The following MITF variants were observed in gnomAD, a reference collection of about 807,000 sequenced individuals.
MITF encodes microphthalmia-associated transcription factor.
Under a neutral mutation model 60.5 loss-of-function variants are expected in MITF, and 17 were observed. The ratio of observed to expected loss-of-function variants is 0.28; its 90% CI spans 0.19 to 0.42. MITF has a LOEUF of 0.42. Among genes scored for constraint, MITF ranks in the 10% least tolerant of loss-of-function variants. The probability of loss-of-function intolerance (pLI) is 1.00; values close to 1 mark genes in which losing one functional copy is unlikely to be tolerated. For missense variants in MITF, 622 were observed against 683.5 expected (o/e 0.91, Z 1.00); for synonymous variants, 260 against 248.5 (o/e 1.05, Z -0.43).
chr3:69,942,187 G>A (rs1234824795), intron 5 of MITF, among the ~76,000 whole-genome samples: 2 of 152,288 alleles, frequency 1.3e-5, no homozygotes, highest in East Asian at 1.9e-4. Context: ...AAAGGGAAAA[G>A]GGGAGTTGTT....
Position 69,767,180 on chromosome 3 carries a change from T to C in MITF, c.104+27479T>C, listed in dbSNP as rs76916640. ...CATGTCTCCATCTGGGGCACAGTTA[T>C]GGAGCACCTCCTGTATGCCAGCACT... On this transcript the variant is annotated intron_variant, in intron 1 of 9. Transcript: ENST00000352241. Among the ~76,000 whole-genome samples, 142 of 152,334 alleles carry C rather than the reference T, an allele frequency of 9.3e-4. 4 individuals carry two copies. The East Asian group carries it at 0.026, about 28-fold the overall frequency.
At chr3:69,837,103 T>C (rs1034729800) in intron 1 of MITF, among the ~76,000 whole-genome samples, 1 of 152,318 alleles carries the variant, frequency 6.6e-6, no homozygotes. Context: ...AGCTTCACAC[T>C]ATTTGTCCCA....
chr3:69,874,544 G>A (rs1315774952), intron 1 of MITF, among the ~76,000 whole-genome samples: 1 of 152,188 alleles, frequency 6.6e-6, no homozygotes, highest in Non-Finnish European at 1.5e-5. Flanking sequence ...GTATTGCGAA[G>A]CACAGAGATA....
At chr3:69,800,168 G>A (rs984432115) in intron 1 of MITF, among the ~76,000 whole-genome samples, 3 of 152,080 alleles carry the variant, frequency 2.0e-5, no homozygotes, top group African/African-American at 7.2e-5. Context: ...TCATGGATTT[G>A]CCTACTGGAC....
chr3:69,866,130 T>G, intron 1 of MITF: 12 of 1,342,864 alleles, frequency 8.9e-6, no homozygotes, highest in Non-Finnish European at 1.2e-5. Context: ...AGGTCTGCTG[T>G]TGCAGACAGA....
intron 1 of MITF, among the ~76,000 whole-genome samples, chr3:69,747,983 T>C (rs2106758960): frequency 6.6e-6 from 1 of 152,274 alleles, no homozygotes; most frequent in Non-Finnish European, 1.5e-5. Context: ...ATAACCAGTG[T>C]AGAACTCCTG....
At chr3:69,831,893 G>A (rs1315674521) in intron 1 of MITF, among the ~76,000 whole-genome samples, 1 of 152,164 alleles carries the variant, frequency 6.6e-6, no homozygotes, top group African/African-American at 2.4e-5. Context: ...ACCAGTGGTG[G>A]AACGGTGCCC....
chr3:69,865,333 C>G (rs2064092534), intron 1 of MITF, among the ~76,000 whole-genome samples: 1 of 152,150 alleles, frequency 6.6e-6, no homozygotes, highest in Non-Finnish European at 1.5e-5. Context: ...TAGTCAGTGT[C>G]AGATGTCTTT....
chr3:69,915,420 T>A (rs112887111), intron 2 of MITF, among the ~76,000 whole-genome samples: 4,480 of 152,096 alleles, frequency 0.029, 99 homozygotes, highest in Non-Finnish European at 0.04. Context: ...ACAATTCTTG[T>A]TTGTATAAAG....
At chr3:69,813,617 C>A (rs2063135293) in intron 1 of MITF, among the ~76,000 whole-genome samples, 1 of 152,082 alleles carries the variant, frequency 6.6e-6, no homozygotes, top group African/African-American at 2.4e-5. Flanking sequence ...AGTTACGCAG[C>A]TTTTGTATAT....
At chr3:69,831,341 T>C (rs1291800935) in intron 1 of MITF, among the ~76,000 whole-genome samples, 1 of 152,198 alleles carries the variant, frequency 6.6e-6, no homozygotes, top group Non-Finnish European at 1.5e-5. Context: ...TTGACGTTCT[T>C]GTCCTCTTTT....
chr3:69,812,454 A>T (rs1342537427), intron 1 of MITF, among the ~76,000 whole-genome samples: 5 of 152,228 alleles, frequency 3.3e-5, no homozygotes, highest in African/African-American at 1.2e-4. Context: ...AAACTGAGTC[A>T]TAATAAAATA....
In MITF at chr3:69,800,090, G is replaced by T. The variant is rs560555067; in HGVS notation, c.104+60389G>T. On this transcript the variant is annotated intron_variant, in intron 1 of 9. Transcript: ENST00000352241. ...TTCCATCACCCCAATAAGAAGCTTC[G>T]TACCTATTAGCAGTTAGTCCCAACT... Among the ~76,000 whole-genome samples, 11 of 152,098 alleles carry T rather than the reference G, an allele frequency of 7.2e-5. No homozygotes were observed. In the East Asian group the frequency reaches 1.9e-3, roughly 27 times the overall value.
At chr3:69,810,842 T>C (rs1449310499) in intron 1 of MITF, among the ~76,000 whole-genome samples, 1 of 152,198 alleles carries the variant, frequency 6.6e-6, no homozygotes, top group Non-Finnish European at 1.5e-5. Flanking sequence ...TCATGGAGCT[T>C]ATATTTTACC....
intron 1 of MITF, among the ~76,000 whole-genome samples, chr3:69,771,975 G>A (rs1329096445): frequency 6.6e-6 from 1 of 152,206 alleles, no homozygotes; most frequent in Non-Finnish European, 1.5e-5. Flanking sequence ...AATTGGTGAT[G>A]CATTTGGAGA....
intron 1 of MITF, chr3:69,866,153 T>C (rs2064110215): frequency 6.6e-7 from 1 of 1,507,198 alleles, no homozygotes; most frequent in Non-Finnish European, 8.8e-7. Context: ...CCAGGCACCG[T>C]TCTAGCACAG....
intron 1 of MITF, among the ~76,000 whole-genome samples, chr3:69,851,842 G>T (rs1275323238): frequency 1.3e-5 from 2 of 152,098 alleles, no homozygotes; most frequent in Non-Finnish European, 2.9e-5. Context: ...TACCCAATAT[G>T]CTCACATGCT....
intron 2 of MITF, among the ~76,000 whole-genome samples, chr3:69,922,459 A>C (rs1559722064): frequency 1.3e-5 from 2 of 152,084 alleles, no homozygotes; most frequent in Non-Finnish European, 2.9e-5. Context: ...TGACGTTGTG[A>C]TCCACCTGCC....
chr3:69,828,070 G>A (rs545301193), intron 1 of MITF, among the ~76,000 whole-genome samples: 3 of 152,058 alleles, frequency 2.0e-5, no homozygotes, highest in Non-Finnish European at 4.4e-5. Flanking sequence ...GTTGGCCCAA[G>A]GTATGATTAC....
Sources: allele counts gnomAD v4.1 joint callset (sites outside exome capture counted in the v4.1 genomes callset), GRCh38; gene constraint gnomAD v4.1.1; transcripts MANE v1.5; gene names NCBI Gene and HGNC (gene_info 2026-07-23, HGNC 2026-07-21).